The following MAGI2 variants were observed in gnomAD, a reference collection of about 807,000 sequenced individuals.
The protein encoded by MAGI2 is membrane associated guanylate kinase, WW and PDZ domain containing 2, also known as membrane-associated guanylate kinase, WW and PDZ domain-containing protein 2.
MAGI2 carries 35 observed loss-of-function variants against 133.3 expected under a neutral mutation model. That is an observed-to-expected ratio of 0.26 (90% CI 0.20 to 0.35). The LOEUF is 0.35. MAGI2 is among the 10% of genes least tolerant of loss of function. The pLI is 1.00. For missense variants in MAGI2, 1,636 were observed against 1,863.4 expected (o/e 0.88, Z 2.25); for synonymous variants, 729 against 710.6 (o/e 1.03, Z -0.41).
At position 79,094,937 on chromosome 7, in the gene MAGI2, G is replaced by A. The variant is rs187332543; in HGVS notation, c.302-87731C>T. On this transcript the variant is annotated intron_variant, in intron 1 of 21. Coordinates refer to ENST00000354212, the MANE Select transcript of MAGI2 (RefSeq NM_012301.4). ...TAAGGGCCCCAGAATTTTTGGAATG[G>A]CAGATGAGCACTAGCTTCAATTTGA... is the stretch of plus-strand genomic sequence containing the variant. Among the ~76,000 whole-genome samples the A allele has an allele frequency of 5.3e-5, 8 of 152,232 alleles. No homozygotes were observed. In the East Asian group the frequency reaches 1.2e-3, roughly 22 times the overall value.
rs555755016 is a variant in MAGI2, at chr7:78,329,986, A to G, written c.1408+13792T>C. Among the ~76,000 whole-genome samples the G allele has an allele frequency of 1.2e-3, 176 of 150,758 alleles. 1 individual carries two copies. The highest frequency in any genetic ancestry group is 3.4e-3 in the Middle Eastern group (1 of 294). ...AGCAAGAGGTGTCTTTAAATGTTCA[A>G]TGCAGAATCATTTTGTCTCCAGGAT... On this transcript the variant is annotated intron_variant, in intron 9 of 21. Transcript: ENST00000354212.
At chr7:79,318,461 T>C (rs571442630) in intron 1 of MAGI2, among the ~76,000 whole-genome samples, 13 of 152,348 alleles carry the variant, frequency 8.5e-5, no homozygotes, top group African/African-American at 3.1e-4. Flanking sequence ...TGGAATTACA[T>C]CTGTCTCAAA....
chr7:78,644,086 A>G (rs1810585598), intron 2 of MAGI2, among the ~76,000 whole-genome samples: 1 of 152,172 alleles, frequency 6.6e-6, no homozygotes, highest in Admixed American at 6.5e-5. Flanking sequence ...TGATAAAGAA[A>G]TTCATTTCAA....
intron 2 of MAGI2, among the ~76,000 whole-genome samples, chr7:78,785,899 C>T (rs1321353452): frequency 6.6e-6 from 1 of 152,130 alleles, no homozygotes; most frequent in East Asian, 1.9e-4. Context: ...TGGACACTTC[C>T]TTGGTGAGAC....
chr7:79,052,469 C>T (rs945742791), intron 1 of MAGI2, among the ~76,000 whole-genome samples: 1 of 152,192 alleles, frequency 6.6e-6, no homozygotes, highest in Non-Finnish European at 1.5e-5. Flanking sequence ...GCTGTCCCTG[C>T]AGAAGGCTTT....
At chr7:79,267,702 A>G (rs1834578147) in intron 1 of MAGI2, among the ~76,000 whole-genome samples, 1 of 152,176 alleles carries the variant, frequency 6.6e-6, no homozygotes, top group South Asian at 2.1e-4. Context: ...TAAACTGACA[A>G]TAGACAGATA....
At chr7:78,204,689 G>A (rs1245879713) in intron 10 of MAGI2, among the ~76,000 whole-genome samples, 1 of 152,070 alleles carries the variant, frequency 6.6e-6, no homozygotes, top group Non-Finnish European at 1.5e-5. Flanking sequence ...TTGTGTGTTT[G>A]AGTGTGCATT....
chr7:79,230,824 T>C (rs1351404367), intron 1 of MAGI2, among the ~76,000 whole-genome samples: 3 of 150,118 alleles, frequency 2.0e-5, no homozygotes, highest in South Asian at 2.1e-4. Context: ...ATTTTGTCTT[T>C]TGTTGCCATT....
intron 9 of MAGI2, among the ~76,000 whole-genome samples, chr7:78,319,799 G>C (rs1462292175): frequency 5.3e-5 from 8 of 152,052 alleles, no homozygotes; most frequent in Non-Finnish European, 1.0e-4. Flanking sequence ...GAAGGAGATA[G>C]AAACACAAAA....
At chr7:78,426,621 TAATTA>T (rs1799306443) in intron 6 of MAGI2, among the ~76,000 whole-genome samples, 1 of 144,018 alleles carries the variant, frequency 6.9e-6, no homozygotes, top group African/African-American at 2.8e-5. Context: ...ATAAATAAAT[TAATTA>T]AAAAAAAAGA....
intron 2 of MAGI2, among the ~76,000 whole-genome samples, chr7:78,753,047 G>C (rs955857241): frequency 4.6e-5 from 7 of 152,100 alleles, no homozygotes; most frequent in Admixed American, 4.6e-4. Flanking sequence ...ACATTTTTCA[G>C]AAGACACAAC....
At chr7:78,206,770 G>A (rs975939340) in intron 10 of MAGI2, among the ~76,000 whole-genome samples, 1 of 152,132 alleles carries the variant, frequency 6.6e-6, no homozygotes, top group Non-Finnish European at 1.5e-5. Flanking sequence ...CTGTTACAAC[G>A]TCATGTATTT....
chr7:78,375,881 A>C (rs2151279547), intron 6 of MAGI2, among the ~76,000 whole-genome samples: 1 of 152,250 alleles, frequency 6.6e-6, no homozygotes, highest in East Asian at 1.9e-4. Flanking sequence ...AATATGAAAT[A>C]TGTTTTTAGA....
intron 14 of MAGI2, among the ~76,000 whole-genome samples, chr7:78,176,908 GACACACACACACACACAC>G (rs200781303): frequency 1.5e-5 from 2 of 130,430 alleles, no homozygotes; most frequent in Non-Finnish European, 3.2e-5. Flanking sequence ...ACCATATATA[GACACACACACACACACAC>G]ACACACACAC....
intron 2 of MAGI2, among the ~76,000 whole-genome samples, chr7:78,920,104 A>G (rs1799114904): frequency 6.6e-6 from 1 of 152,078 alleles, no homozygotes; most frequent in Admixed American, 6.6e-5. Flanking sequence ...CTAAGCCTCT[A>G]TGAAGAATCA....
intron 9 of MAGI2, among the ~76,000 whole-genome samples, chr7:78,290,460 A>T (rs1796587300): frequency 6.6e-6 from 1 of 152,158 alleles, no homozygotes; most frequent in South Asian, 2.1e-4. Flanking sequence ...GTTCTTAGAG[A>T]CCTAGAAAGA....
chr7:78,892,008 G>C (rs1343104061), intron 2 of MAGI2, among the ~76,000 whole-genome samples: 2 of 152,176 alleles, frequency 1.3e-5, no homozygotes, highest in African/African-American at 2.4e-5. Context: ...ATCTCCTTAA[G>C]CTGATAGGCA....
rs116159822 is a variant in MAGI2 at position 78,662,432 on chromosome 7, T to A, written c.419-35193A>T. Among the ~76,000 whole-genome samples the A allele has an allele frequency of 2.2e-3, 333 of 152,290 alleles. 1 individual carries two copies. The highest frequency in any genetic ancestry group is 7.8e-3 in the African/African-American group (324 of 41,560). On this transcript the variant is annotated intron_variant, in intron 2 of 21. Transcript: ENST00000354212. The stretch of plus-strand genomic sequence containing the variant: ...TCGAAACACTAGCACTTCCTTAAGG[T>A]CTATATAAATTCTATCTTAGCAACA...
At chr7:79,278,282 G>C (rs1420045540) in intron 1 of MAGI2, among the ~76,000 whole-genome samples, 1 of 152,130 alleles carries the variant, frequency 6.6e-6, no homozygotes, top group Non-Finnish European at 1.5e-5. Flanking sequence ...AGCTCCCTGA[G>C]GCTTCCTCAG....
Sources: allele counts gnomAD v4.1 joint callset (sites outside exome capture counted in the v4.1 genomes callset), GRCh38; gene constraint gnomAD v4.1.1; transcripts MANE v1.5; gene names NCBI Gene and HGNC (gene_info 2026-07-23, HGNC 2026-07-21).